The following EDA variants were observed in gnomAD, a reference collection of about 807,000 sequenced individuals.
EDA encodes the protein ectodysplasin A.
EDA carries 2 observed loss-of-function variants against 23.6 expected under a neutral mutation model. That is an observed-to-expected ratio of 0.08 (90% confidence interval 0.03 to 0.27). The LOEUF (loss-of-function observed/expected upper bound fraction) is 0.27, where lower values mean the gene tolerates loss of function less well. Among genes scored for constraint, EDA ranks in the 10% least tolerant of loss-of-function variants. The pLI is 1.00. For synonymous variants in EDA, 131 were observed against 132.0 expected, an observed-to-expected ratio of 0.99 and a Z score of 0.05; for missense variants, 229 against 324.2, an observed-to-expected ratio of 0.71 and a Z score of 2.26.
At chrX:70,023,277 A>G in intron 3 of EDA, 36 bp downstream of exon 3, 6 of 1,025,785 alleles carry the variant, frequency 5.8e-6, no homozygotes, top group Non-Finnish European at 8.1e-6. Flanking sequence ...CTGTCTTGTC[A>G]TATATTTTCT....
At position 70,033,408 on chromosome X, in the gene EDA, T is replaced by C. The variant is rs779193585; in HGVS notation, c.804T>C (p.Gly268=). 29 of 1,210,645 alleles carry C rather than the reference T, an allele frequency of 2.4e-5. No homozygotes were observed. Among genetic ancestry groups the C allele is most frequent in the Non-Finnish European group, 3.2e-5 (29 of 895,351 alleles). Residue 268 remains glycine, a synonymous_variant, in exon 7 of 8, where the codon GGT becomes GGC. Transcript: ENST00000374552. ...SAIQVKNDLS[G]GVLNDWSRIT... ...TTCTCTCATACTGAGATCTTTCAGG[T>C]GGAGTGCTCAATGACTGGTCTCGCA...
chrX:69,951,413 A>G (rs2018925141), intron 1 of EDA, among the ~76,000 whole-genome samples: 1 of 111,205 alleles, frequency 9.0e-6, no homozygotes, highest in African/African-American at 3.3e-5. Context: ...TAAGATACCG[A>G]ATCTCTGGTA....
chrX:69,749,696 TG>T (rs993005705), intron 1 of EDA: 1 of 111,536 alleles, frequency 9.0e-6, no homozygotes, highest in African/African-American at 3.3e-5. Context: ...AGTCTCTTCT[TG>T]GCTGCAGGAA....
rs748466209 is a variant in EDA at position 69,780,853 on chromosome X, CTCTTT to C, written c.396+164154_396+164158del. On this transcript the variant is annotated intron_variant, in intron 1 of 7. Transcript: ENST00000374552. ...CTGCAGAACTGTGAGTCAATTAAAC[CTCTTT>C]TCTTGATAAATTACCCAGTCTCACC... Among the ~76,000 whole-genome samples, 5 of 111,136 alleles carry C rather than the reference CTCTTT, an allele frequency of 4.5e-5. No homozygotes were observed. In the South Asian group the frequency reaches 2.0e-3, roughly 44 times the overall value.
chrX:69,655,186 G>A (rs1459741627), intron 1 of EDA, among the ~76,000 whole-genome samples: 7 of 111,252 alleles, frequency 6.3e-5, no homozygotes, highest in Admixed American at 3.8e-4. Context: ...ACCTGAGGTC[G>A]GGAGTTCGAG....
At chrX:69,882,481 A>C (rs773643579) in intron 1 of EDA, among the ~76,000 whole-genome samples, 6 of 111,695 alleles carry the variant, frequency 5.4e-5, no homozygotes, top group Admixed American at 4.7e-4. Context: ...AGGGTCTAAG[A>C]AGGTGCAAGT....
chrX:69,906,763 A>G (rs1251144143), intron 1 of EDA, among the ~76,000 whole-genome samples: 2 of 111,756 alleles, frequency 1.8e-5, no homozygotes, highest in African/African-American at 3.3e-5. Flanking sequence ...ACGCACGCAC[A>G]CACATACACA....
chrX:69,904,720 A>G (rs1459534596), intron 1 of EDA, among the ~76,000 whole-genome samples: 3 of 111,689 alleles, frequency 2.7e-5, no homozygotes, highest in African/African-American at 6.5e-5. Flanking sequence ...ATTTTACTCT[A>G]TCACCATGAG....
At chrX:69,956,835 T>C (rs748629596) in intron 1 of EDA, among the ~76,000 whole-genome samples, 192 bp from the exon 2 acceptor site, 3 of 111,983 alleles carry the variant, frequency 2.7e-5, no homozygotes, top group East Asian at 2.8e-4. Flanking sequence ...AACCAAAATG[T>C]CATGCCTACA....
At chrX:69,931,163 T>C (rs993712705) in intron 1 of EDA, among the ~76,000 whole-genome samples, 2 of 111,519 alleles carry the variant, frequency 1.8e-5, no homozygotes, top group Non-Finnish European at 3.8e-5. Context: ...ACAGTAGATC[T>C]GGTTGCAGAA....
intron 2 of EDA, among the ~76,000 whole-genome samples, chrX:70,006,581 T>G (rs149663146): frequency 2.6e-3 from 292 of 111,852 alleles, no homozygotes; most frequent in Non-Finnish European, 4.6e-3. Flanking sequence ...TTTTTCTGAT[T>G]TTTGAGTTTT....
intron 1 of EDA, among the ~76,000 whole-genome samples, chrX:69,844,675 T>C (rs1390808363): frequency 8.9e-6 from 1 of 112,751 alleles, no homozygotes; most frequent in Non-Finnish European, 1.9e-5. Context: ...ATCACTTGCA[T>C]ATGTTTTCTC....
At chrX:69,988,480 G>A (rs763193622) in intron 2 of EDA, among the ~76,000 whole-genome samples, 9 of 112,069 alleles carry the variant, frequency 8.0e-5, no homozygotes, top group East Asian at 5.6e-4. Context: ...TTCACATTGC[G>A]TGCCTGTATC....
intron 1 of EDA, among the ~76,000 whole-genome samples, chrX:69,710,100 G>A (rs2011919341): frequency 9.0e-6 from 1 of 111,210 alleles, no homozygotes; most frequent in South Asian, 3.8e-4. Flanking sequence ...GTATTGCCTA[G>A]GTCTTCTTCT....
rs1006157179 is a variant in EDA at position 69,894,502 on chromosome X, G to A, written c.397-62525G>A. 2.0e-4 allele frequency among the ~76,000 whole-genome samples: 22 copies of A among 111,592 alleles called. 1 individual carries two copies. Among genetic ancestry groups the A allele is most frequent in the Non-Finnish European group, 3.2e-4 (17 of 53,117 alleles). On this transcript the variant is annotated intron_variant, in intron 1 of 7. Transcript: ENST00000374552. ...ATCTGCAAATTACTTTGAGCAGTAC[G>A]GCCATTTTAACAATATTGATTCTTC...
intron 1 of EDA, among the ~76,000 whole-genome samples, chrX:69,925,718 G>A: frequency 9.1e-6 from 1 of 109,899 alleles, no homozygotes. Context: ...AGTTTCAGAA[G>A]GAATGGTACC....
In EDA at chrX:69,857,657, A is replaced by G. The variant is rs151046507; in HGVS notation, c.397-99370A>G. Reference sequence around the variant, plus strand: ...TTTTGGCAGTATGGTCATTTTCACAATATTGATTATATCTATCGATGAGCA... The same window carrying G: ...TTTTGGCAGTATGGTCATTTTCACAGTATTGATTATATCTATCGATGAGCA... On this transcript the variant is annotated intron_variant, in intron 1 of 7. Transcript: ENST00000374552. Among the ~76,000 whole-genome samples, 469 of 111,248 alleles carry G rather than the reference A, an allele frequency of 4.2e-3. 2 individuals carry two copies. Among genetic ancestry groups the G allele is most frequent in the African/African-American group, 0.014 (429 of 30,651 alleles).
intron 1 of EDA, among the ~76,000 whole-genome samples, chrX:69,642,513 T>C (rs1296814728): frequency 1.8e-5 from 2 of 110,959 alleles, no homozygotes; most frequent in Non-Finnish European, 3.8e-5. Context: ...CCAAGGAGAA[T>C]TGAAAATGAC....
In EDA at chrX:69,807,243, T is replaced by C. The variant is rs779917017; in HGVS notation, c.397-149784T>C. 2.8e-5 allele frequency among the ~76,000 whole-genome samples: 3 copies of C among 108,443 alleles called. No homozygotes were observed. In the East Asian group the frequency reaches 8.7e-4, roughly 31 times the overall value. 94.2% of individuals were successfully genotyped at this position (108,443 alleles called of 115,157 possible). ...TCAATTCACTAAGTAGGCAAAATTT[T>C]AAATGTAACATGTATTTTTTGGACA... On this transcript the variant is annotated intron_variant, in intron 1 of 7. Transcript: ENST00000374552.
Sources: allele counts gnomAD v4.1 joint callset (sites outside exome capture counted in the v4.1 genomes callset), GRCh38; gene constraint gnomAD v4.1.1; transcripts MANE v1.5; gene names NCBI Gene and HGNC (gene_info 2026-07-23, HGNC 2026-07-21).